Variants in MED16 observed in about 807,000 individuals in gnomAD.
The protein encoded by MED16 is mediator complex subunit 16, also known as mediator of RNA polymerase II transcription subunit 16.
A neutral mutation model predicts 84.4 loss-of-function variants in MED16; 81 were observed. The observed-to-expected ratio is 0.96, with a 90% CI of 0.80 to 1.15. The LOEUF is 1.15. Among genes scored for constraint, MED16 ranks in the 50% most tolerant of loss-of-function variants. The pLI, the probability that MED16 is intolerant of heterozygous loss-of-function variation, is 0.00. For synonymous variants in MED16, 897 were observed against 552.2 expected (o/e 1.62, Z -8.76); for missense variants, 1,585 against 1,245.9 (o/e 1.27, Z -4.10).
Position 885,842 on chromosome 19 carries a change from G to T in MED16, c.807C>A (p.Thr269=). ...ILPSLFMRCT[T]DLNRKDKFPA... is the part of the protein sequence containing the mutation. ...GAAACTTGTCCTTGCGGTTGAGGTCGGTGGTGCAGCGCATGAACAGGGAGG... is the reference window on the plus strand; with the variant it reads ...GAAACTTGTCCTTGCGGTTGAGGTCTGTGGTGCAGCGCATGAACAGGGAGG... The change falls in exon 5 of 16, where the codon ACC becomes ACA. Residue 269 remains threonine, a synonymous_variant. Transcript: ENST00000325464. The T allele has an allele frequency of 6.2e-7, 1 of 1,613,756 alleles. No individual in the cohort carries two copies. Among genetic ancestry groups the T allele is most frequent in the Non-Finnish European group, 8.5e-7 (1 of 1,179,968 alleles).
intron 15 of MED16, 52 bp downstream of exon 15, chr19:868,364 C>T (rs113032095): frequency 3.2e-6 from 5 of 1,547,838 alleles, no homozygotes; most frequent in Middle Eastern, 1.8e-4. Flanking sequence ...AGCTGAGGGG[C>T]AGCTGGGCTC....
At chr19:892,910 G>A (rs1198966221) in intron 1 of MED16, 176 bp downstream of exon 1, 1 of 129,196 alleles carries the variant, frequency 7.7e-6, no homozygotes, top group Non-Finnish European at 1.6e-5. Context: ...CGCGCCCCGC[G>A]CCCCGCGCCC....
chr19:871,076 G>A lies in MED16; in HGVS notation c.2276C>T (p.Pro759Leu), dbSNP rs1411586737. 3 of 1,547,194 alleles carry A rather than the reference G, an allele frequency of 1.9e-6. No individual in the cohort carries two copies. The highest frequency in any genetic ancestry group is 2.4e-5 in the East Asian group (1 of 40,838). ...GAGCTGCAGGGTGGCAGCACTGCCA[G>A]GCAGCGTGGGCGCCCGGCCAAACTG... is the stretch of plus-strand genomic sequence containing the variant. ...RLQFGRAPTLPGSAATLQLDG... is the reference protein window; with the variant it reads ...RLQFGRAPTLLGSAATLQLDG... The change falls in exon 13 of 16, where the codon CCT becomes CTT. Residue 759 changes from proline to leucine, a missense_variant. Physicochemically the swap from Pro to Leu is moderately conservative, Grantham distance 98 (BLOSUM62 -3). Coordinates refer to ENST00000325464, the MANE Select transcript of MED16 (RefSeq NM_005481.3).
At position 876,989 on chromosome 19, in the gene MED16, G is replaced by T; in HGVS notation, c.1545C>A (p.Thr515=). 1 of 1,587,488 alleles carries T rather than the reference G, an allele frequency of 6.3e-7. No individual in the cohort carries two copies. The highest frequency in any genetic ancestry group is 1.1e-5 in the South Asian group (1 of 88,438). ...EKLHEEYTRQ[T]AALQQVLSTR... ...GGGCCCCCACCTGCTGCAGGGCAGC[G>T]GTCTGGCGCGTGTACTCCTCGTGCA... Residue 515 remains threonine (T), a synonymous_variant, in exon 9 of 16, where the codon ACC becomes ACA. Transcript: ENST00000325464.
chr19:868,601 C>T (rs958432258), intron 14 of MED16, 102 bp from the exon 15 acceptor site: 9 of 1,467,910 alleles, frequency 6.1e-6, no homozygotes, highest in South Asian at 1.2e-5. Flanking sequence ...GCTCGCCGTC[C>T]CTCACGCCTG....
chr19:882,435 GAT>G (rs988371283), intron 6 of MED16, among the ~76,000 whole-genome samples: 41 of 152,332 alleles, frequency 2.7e-4, no homozygotes, highest in African/African-American at 8.9e-4. Flanking sequence ...GCTGAGGTAG[GAT>G]TGCTCGAGCC....
intron 6 of MED16, among the ~76,000 whole-genome samples, chr19:882,634 C>A (rs1260109144): frequency 1.3e-5 from 2 of 152,192 alleles, no homozygotes; most frequent in Non-Finnish European, 2.9e-5. Context: ...GCATGTGCGG[C>A]CAGTGGACAG....
At chr19:889,395 A>C (rs149933504) in intron 4 of MED16, among the ~76,000 whole-genome samples, 12 of 152,316 alleles carry the variant, frequency 7.9e-5, no homozygotes, top group Middle Eastern at 6.8e-3. Flanking sequence ...ATGAGGGGCC[A>C]CTGAACACGC....
chr19:877,034 T>A lies in MED16; in HGVS notation c.1500A>T (p.Val500=), dbSNP rs767879335. The change falls in exon 9 of 16, where the codon GTA becomes GTT. Residue 500 remains valine, a synonymous_variant. Transcript: ENST00000325464. ...DILLHVQPSM[V]QSLVEKLHEE... Reference sequence around the variant, plus strand: ...CGTGCAGCTTCTCCACCAGGCTCTGTACCATACTGGGCTGCACGTGCAGCA... The same window carrying A: ...CGTGCAGCTTCTCCACCAGGCTCTGAACCATACTGGGCTGCACGTGCAGCA... 6.2e-7 allele frequency: 1 copy of A among 1,612,558 alleles called. No homozygotes were observed. Among genetic ancestry groups the A allele is most frequent in the South Asian group, 1.1e-5 (1 of 91,088 alleles).
At chr19:877,979 C>T (rs1249369984) in intron 8 of MED16, among the ~76,000 whole-genome samples, 1 of 76,976 alleles carries the variant, frequency 1.3e-5, no homozygotes, top group African/African-American at 5.6e-5. Flanking sequence ...CCCAGCCCCA[C>T]GTGCCCCAGC....
Position 890,085 on chromosome 19 carries a change from C to A in MED16, c.277+52G>T. Reference sequence around the variant, plus strand: ...CTGACCGGAGAAACACAGGGCCCCCCTGCTCCGGGATCCGGGTCGCCACCC... The same window carrying A: ...CTGACCGGAGAAACACAGGGCCCCCATGCTCCGGGATCCGGGTCGCCACCC... On this transcript the variant is annotated intron_variant, in intron 3 of 15. Coordinates refer to ENST00000325464, the MANE Select transcript of MED16 (RefSeq NM_005481.3). 3 of 1,389,432 alleles carry A rather than the reference C, an allele frequency of 2.2e-6. 1 individual carries two copies. The South Asian group carries it at 3.7e-5, about 17-fold the overall frequency. 86.1% of individuals were successfully genotyped at this position (1,389,432 alleles called of 1,614,324 possible).
rs370621279 is a variant in MED16, at chr19:877,142, C to A, written c.1392G>T (p.Pro464=). The change falls in exon 9 of 16, where the codon CCG becomes CCT. Residue 464 remains proline (P), a synonymous_variant. Coordinates refer to ENST00000325464, the MANE Select transcript of MED16 (RefSeq NM_005481.3). ...VLRLSPSMGH[P]LEVGLALRHL... is the part of the protein sequence containing the mutation. ...GCCGCAGCGCCAGCCCCACCTCCAG[C>A]GGGTGGCCCATGGAAGGTGAGAGGC... The A allele has an allele frequency of 4.2e-5, 67 of 1,611,978 alleles. No individual in the cohort carries two copies. The highest frequency in any genetic ancestry group is 5.2e-5 in the Non-Finnish European group (61 of 1,179,752).
chr19:870,946 C>T (rs1651890), intron 13 of MED16, 91 bp downstream of exon 13: 3 of 1,238,668 alleles, frequency 2.4e-6, no homozygotes, highest in Admixed American at 2.5e-5. Flanking sequence ...GCAGGACATG[C>T]AGGGAGGGAG....
At chr19:880,889 C>T (rs1050897709) in intron 7 of MED16, among the ~76,000 whole-genome samples, 1 of 150,674 alleles carries the variant, frequency 6.6e-6, no homozygotes, top group Non-Finnish European at 1.5e-5. Flanking sequence ...CACACCACTG[C>T]ACTCCAGCCT....
chr19:882,482 C>A (rs1450320040), intron 6 of MED16, among the ~76,000 whole-genome samples: 1 of 152,188 alleles, frequency 6.6e-6, no homozygotes, highest in East Asian at 1.9e-4. Context: ...CAAGATCACG[C>A]CACTGCACTC....
intron 4 of MED16, among the ~76,000 whole-genome samples, chr19:887,804 G>A (rs1042858031): frequency 6.6e-6 from 1 of 152,128 alleles, no homozygotes; most frequent in Non-Finnish European, 1.5e-5. Flanking sequence ...TTCTATGAAT[G>A]TCCAGGACAG....
At chr19:884,678 C>T (rs1338331873) in intron 6 of MED16, among the ~76,000 whole-genome samples, 11 of 152,218 alleles carry the variant, frequency 7.2e-5, no homozygotes, top group Non-Finnish European at 5.9e-5. Flanking sequence ...GCCGCCGCAG[C>T]GGGCGTGGAA....
rs1287682862 is a variant in MED16 at position 871,045 on chromosome 19, G to A, written c.2307C>T (p.Gly769=). 6.5e-6 allele frequency: 10 copies of A among 1,542,636 alleles called. No homozygotes were observed. The highest frequency in any genetic ancestry group is 4.1e-5 in the African/African-American group (3 of 72,844). ...PGSAATLQLD[G]LARAPGQPKI... ...TGCAGGGACACACGCACCTGGCGAG[G>A]CCGTCGAGCTGCAGGGTGGCAGCAC... Residue 769 remains glycine (G), a synonymous_variant, in exon 13 of 16, where the codon GGC becomes GGT. Transcript: ENST00000325464.
intron 8 of MED16, among the ~76,000 whole-genome samples, chr19:877,961 GCCCCAGC>G (rs1330591835): frequency 2.3e-4 from 8 of 35,084 alleles, no homozygotes; most frequent in Admixed American, 1.3e-3. Flanking sequence ...ACCAGCCCCA[GCCCCAGC>G]CCCAGCCCCA....
Sources: allele counts gnomAD v4.1 joint callset (sites outside exome capture counted in the v4.1 genomes callset), GRCh38; gene constraint gnomAD v4.1.1; transcripts MANE v1.5; gene names NCBI Gene and HGNC (gene_info 2026-07-23, HGNC 2026-07-21).